RASGRF2: variants seen among roughly 807,000 people sequenced by gnomAD.
RASGRF2 encodes ras-specific guanine nucleotide-releasing factor 2.
A neutral mutation model predicts 151.0 loss-of-function variants in RASGRF2; 76 were observed. That is an observed-to-expected ratio of 0.50 (90% CI 0.42 to 0.61). RASGRF2 has a LOEUF of 0.61. Among genes scored for constraint, RASGRF2 ranks in the 20% least tolerant of loss-of-function variants. The pLI is 0.00. For missense variants in RASGRF2, 1,148 were observed against 1,564.6 expected (o/e 0.73, Z 4.49); for synonymous variants, 504 against 566.5 (o/e 0.89, Z 1.57).
intron 12 of RASGRF2, among the ~76,000 whole-genome samples, chr5:81,103,913 T>C (rs1033163460): frequency 6.6e-6 from 1 of 151,554 alleles, no homozygotes; most frequent in African/African-American, 2.4e-5. Context: ...ACTATGCATA[T>C]AAATATGAAC....
At chr5:80,969,655 G>T (rs1298447541) in intron 1 of RASGRF2, among the ~76,000 whole-genome samples, 2 of 150,186 alleles carry the variant, frequency 1.3e-5, no homozygotes, top group African/African-American at 2.5e-5. Context: ...GTTTCACCGT[G>T]TTAGCCAGGA....
chr5:81,069,198 A>G (rs1384317935), intron 3 of RASGRF2, among the ~76,000 whole-genome samples: 2 of 152,114 alleles, frequency 1.3e-5, no homozygotes, highest in Non-Finnish European at 2.9e-5. Flanking sequence ...CTCCCTACAC[A>G]CATCACCTCC....
chr5:80,990,563 T>A (rs766209132), intron 1 of RASGRF2, among the ~76,000 whole-genome samples: 51 of 152,244 alleles, frequency 3.3e-4, no homozygotes, highest in Non-Finnish European at 5.3e-4. Flanking sequence ...TAGGAGCTCT[T>A]TGTGGCAGGA....
chr5:81,102,433 G>T (rs1030251730), intron 12 of RASGRF2, among the ~76,000 whole-genome samples: 9 of 152,298 alleles, frequency 5.9e-5, no homozygotes, highest in Admixed American at 5.9e-4. Flanking sequence ...GGTGGCTCAT[G>T]CCTGTAATCC....
At chr5:81,125,040 A>C (rs1246989655) in intron 16 of RASGRF2, among the ~76,000 whole-genome samples, 2 of 152,110 alleles carry the variant, frequency 1.3e-5, no homozygotes, top group Non-Finnish European at 2.9e-5. Flanking sequence ...GCCGTGGGCC[A>C]CCACGCCCAG....
chr5:81,162,430 C>T (rs1476551947), intron 17 of RASGRF2, among the ~76,000 whole-genome samples: 1 of 152,120 alleles, frequency 6.6e-6, no homozygotes, highest in Non-Finnish European at 1.5e-5. Context: ...TCATTGCAAC[C>T]TCCGCCTCCC....
At chr5:81,176,013 A>G (rs770440147) in intron 17 of RASGRF2, among the ~76,000 whole-genome samples, 1 of 152,168 alleles carries the variant, frequency 6.6e-6, no homozygotes, top group Non-Finnish European at 1.5e-5. Flanking sequence ...GGGGTGCTGT[A>G]TACTCATTAG....
At chr5:80,986,708 C>A (rs944898123) in intron 1 of RASGRF2, among the ~76,000 whole-genome samples, 11 of 152,198 alleles carry the variant, frequency 7.2e-5, no homozygotes, top group Non-Finnish European at 1.6e-4. Flanking sequence ...TAAGGTTCAT[C>A]TTTTCATCTT....
chr5:80,995,146 C>G (rs1032310624), intron 1 of RASGRF2, among the ~76,000 whole-genome samples: 9 of 150,330 alleles, frequency 6.0e-5, no homozygotes, highest in Non-Finnish European at 1.2e-4. Flanking sequence ...GTCCCAGCTA[C>G]TTAGGAGGCT....
intron 4 of RASGRF2, among the ~76,000 whole-genome samples, chr5:81,072,009 A>T (rs1751791725): frequency 6.6e-6 from 1 of 152,130 alleles, no homozygotes; most frequent in Non-Finnish European, 1.5e-5. Context: ...TTTCTTAATA[A>T]TTTTTTAAAC....
At chr5:81,168,899 G>T (rs766723940) in intron 17 of RASGRF2, among the ~76,000 whole-genome samples, 1 of 152,056 alleles carries the variant, frequency 6.6e-6, no homozygotes, top group Non-Finnish European at 1.5e-5. Context: ...TGTCCTCTTG[G>T]GTTCCATGAG....
intron 2 of RASGRF2, among the ~76,000 whole-genome samples, chr5:81,043,994 C>A (rs1050240008): frequency 3.3e-5 from 5 of 152,164 alleles, no homozygotes; most frequent in African/African-American, 1.2e-4. Flanking sequence ...TGTTAGATTT[C>A]TGTTTCCTGA....
chr5:81,209,093 G>C (rs113300638), intron 22 of RASGRF2, among the ~76,000 whole-genome samples: 2 of 152,108 alleles, frequency 1.3e-5, no homozygotes, highest in African/African-American at 4.8e-5. Context: ...TGGTGGTGTT[G>C]GTCACGGTAA....
intron 1 of RASGRF2, among the ~76,000 whole-genome samples, chr5:81,038,363 A>G (rs1374189439): frequency 6.6e-6 from 1 of 151,900 alleles, no homozygotes; most frequent in East Asian, 1.9e-4. Context: ...TGTCAACAGT[A>G]TTGTCAGGTG....
chr5:81,176,306 A>G (rs1754773087), intron 17 of RASGRF2, among the ~76,000 whole-genome samples: 1 of 152,234 alleles, frequency 6.6e-6, no homozygotes, highest in Non-Finnish European at 1.5e-5. Context: ...CTCTCCTAAA[A>G]TCATAGATCC....
intron 1 of RASGRF2, among the ~76,000 whole-genome samples, chr5:81,041,609 G>A (rs1288699216): frequency 6.6e-6 from 1 of 152,174 alleles, no homozygotes; most frequent in African/African-American, 2.4e-5. Flanking sequence ...CTGGAACATG[G>A]AGTGGTTTAG....
intron 19 of RASGRF2, among the ~76,000 whole-genome samples, chr5:81,205,244 GGGAA>G (rs1194193915): frequency 6.6e-6 from 1 of 152,226 alleles, no homozygotes; most frequent in Middle Eastern, 3.2e-3. Context: ...AGACAGCCGA[GGGAA>G]GGGAGTTGTG....
At chr5:81,217,574 CT>C (rs71603577) in intron 25 of RASGRF2, 101 bp downstream of exon 25, 10,365 of 181,102 alleles carry the variant, frequency 0.057, 12 homozygotes, top group South Asian at 0.091. Flanking sequence ...TTTTTCTCTT[CT>C]TTTTTTTTTT....
chr5:81,028,992 G>A (rs1010571244), intron 1 of RASGRF2, among the ~76,000 whole-genome samples: 8 of 152,230 alleles, frequency 5.3e-5, no homozygotes, highest in African/African-American at 1.9e-4. Context: ...CAGCACACCA[G>A]GAGATTATAT....
Sources: gnomAD v4.1 joint callset for allele counts (sites outside exome capture counted in the v4.1 genomes callset) on GRCh38, gnomAD v4.1.1 for gene constraint, MANE v1.5 for transcripts, NCBI Gene and HGNC (gene_info 2026-07-23, HGNC 2026-07-21) for gene names.